SATL1: variants seen among roughly 807,000 people sequenced by gnomAD.
SATL1 encodes the protein spermidine/spermine N1-acetyl transferase like 1.
A neutral mutation model predicts 51.8 loss-of-function variants in SATL1; 47 were observed. The ratio of observed to expected loss-of-function variants is 0.91; its 90% CI spans 0.72 to 1.16. SATL1 has a LOEUF of 1.16. Among genes scored for constraint, SATL1 ranks in the 50% most tolerant of loss-of-function variants. SATL1 has a pLI of 0.00. For missense variants in SATL1, 520 were observed against 526.4 expected (o/e 0.99, Z 0.12); for synonymous variants, 176 against 182.4 (o/e 0.97, Z 0.28).
intron 2 of SATL1, chrX:85,142,872 T>C (rs1416500736): frequency 8.9e-6 from 1 of 112,023 alleles, no homozygotes; most frequent in Non-Finnish European, 1.9e-5. Flanking sequence ...TCTCTTTATT[T>C]TCTCCTCCTG....
chrX:85,159,954 G>A (rs1015532865), intron 2 of SATL1, among the ~76,000 whole-genome samples: 10 of 111,371 alleles, frequency 9.0e-5, no homozygotes, highest in Admixed American at 2.9e-4. Flanking sequence ...CCAGCAGGTC[G>A]GGAGCACATA....
In SATL1 at chrX:85,105,054, C is replaced by A. The variant is rs147464206; in HGVS notation, c.1642-1139G>T. The stretch of plus-strand genomic sequence containing the variant: ...CAGTTTTATAATATCTGGTATAGAT[C>A]ATCTCCCCTCATTACTCTTCTTTTT... On this transcript the variant is annotated intron_variant, in intron 3 of 7. Coordinates refer to ENST00000644105, the MANE Select transcript of SATL1 (RefSeq NM_001367857.2). Among the ~76,000 whole-genome samples the A allele has an allele frequency of 2.3e-3, 255 of 111,409 alleles. 2 individuals carry two copies. Among genetic ancestry groups the A allele is most frequent in the African/African-American group, 7.4e-3 (229 of 30,775 alleles).
At chrX:85,135,424 C>T (rs1925926983) in intron 2 of SATL1, among the ~76,000 whole-genome samples, 1 of 111,393 alleles carries the variant, frequency 9.0e-6, no homozygotes, top group Non-Finnish European at 1.9e-5. Flanking sequence ...TACTGCCTTA[C>T]AATTTTGTTG....
At chrX:85,124,998 A>AGG (rs980838489) in intron 2 of SATL1, among the ~76,000 whole-genome samples, 3 of 109,893 alleles carry the variant, frequency 2.7e-5, no homozygotes, top group African/African-American at 1.0e-4. Context: ...CAGAGGTGAA[A>AGG]GGAACCAAAG....
intron 2 of SATL1, among the ~76,000 whole-genome samples, chrX:85,171,717 T>A (rs1926976616): frequency 9.0e-6 from 1 of 111,544 alleles, no homozygotes; most frequent in South Asian, 3.7e-4. Flanking sequence ...TAGCAACAAA[T>A]CATTCACTAT....
At chrX:85,182,078 TATC>T (rs1434431746) in intron 2 of SATL1, among the ~76,000 whole-genome samples, 4 of 111,623 alleles carry the variant, frequency 3.6e-5, no homozygotes, top group Non-Finnish European at 7.5e-5. Flanking sequence ...ATCAAACATT[TATC>T]ATTTCTTTGT....
chrX:85,110,212 G>C (rs775559037), intron 2 of SATL1, among the ~76,000 whole-genome samples: 51 of 111,224 alleles, frequency 4.6e-4, no homozygotes, highest in African/African-American at 1.6e-3. Flanking sequence ...TTCAGACCCA[G>C]ATCTATCTTT....
chrX:85,182,137 TTGTTG>T (rs751088528), intron 2 of SATL1, among the ~76,000 whole-genome samples: 1 of 111,480 alleles, frequency 9.0e-6, no homozygotes, highest in Admixed American at 9.5e-5. Context: ...AAACTATATA[TTGTTG>T]TTAACTATAG....
At chrX:85,105,582 G>A (rs1399547947) in intron 3 of SATL1, among the ~76,000 whole-genome samples, 2 of 111,567 alleles carry the variant, frequency 1.8e-5, no homozygotes, top group Non-Finnish European at 3.8e-5. Flanking sequence ...GAAATGACTA[G>A]GCTCCCAAAT....
intron 1 of SATL1, among the ~76,000 whole-genome samples, chrX:85,242,194 A>G (rs1470272625): frequency 1.8e-5 from 2 of 112,514 alleles, no homozygotes; most frequent in Non-Finnish European, 3.8e-5. Flanking sequence ...ATTGATGTAA[A>G]AACCCCACAT....
rs369611909 is a variant in SATL1, at chrX:85,196,177, T to C, written c.-313+28028A>G. Among the ~76,000 whole-genome samples, 7 of 110,990 alleles carry C rather than the reference T, an allele frequency of 6.3e-5. No homozygotes were observed. The East Asian group carries it at 2.0e-3, about 31-fold the overall frequency. On this transcript the variant is annotated intron_variant, in intron 2 of 7. Coordinates refer to ENST00000644105, the MANE Select transcript of SATL1 (RefSeq NM_001367857.2). ...AGAATCCTGAAATGAAATTTAAAAATAGATTCATTTACAATGGTATCAAAA... is the reference window on the plus strand; with the variant it reads ...AGAATCCTGAAATGAAATTTAAAAACAGATTCATTTACAATGGTATCAAAA...
chrX:85,164,982 C>T (rs1436854720), intron 2 of SATL1, among the ~76,000 whole-genome samples: 1 of 110,877 alleles, frequency 9.0e-6, no homozygotes, highest in Non-Finnish European at 1.9e-5. Flanking sequence ...CCTCGGCCTC[C>T]CAAAGTGTTG....
intron 2 of SATL1, among the ~76,000 whole-genome samples, chrX:85,191,440 T>A (rs181678071): frequency 9.0e-6 from 1 of 111,074 alleles, no homozygotes; most frequent in African/African-American, 3.3e-5. Flanking sequence ...ATGAGAACAT[T>A]CAAAATCCTC....
In SATL1 at chrX:85,109,126, G is replaced by A. The variant is rs890582487; in HGVS notation, c.-158C>T. On this transcript the variant is annotated 5_prime_UTR_variant, in exon 3 of 8. Transcript: ENST00000644105. ...TTCCCAGTTCTTCTCAATTTGATTC[G>A]CCCACTTTGAGATACCCCTCTATCA... 16 of 503,774 alleles carry A rather than the reference G, an allele frequency of 3.2e-5. No individual in the cohort carries two copies. Among genetic ancestry groups the A allele is most frequent in the East Asian group, 2.9e-4 (8 of 27,303 alleles). The allele number at this position is 503,774 out of a possible 1,213,427, so 41.5% of individuals were successfully genotyped here.
intron 3 of SATL1, among the ~76,000 whole-genome samples, chrX:85,105,604 G>A (rs2147688834): frequency 9.0e-6 from 1 of 111,525 alleles, no homozygotes; most frequent in African/African-American, 3.2e-5. Context: ...ATGCTGTGAT[G>A]TGCTGATTGA....
At chrX:85,127,427 G>A (rs1299656328) in intron 2 of SATL1, among the ~76,000 whole-genome samples, 1 of 111,510 alleles carries the variant, frequency 9.0e-6, no homozygotes, top group East Asian at 2.8e-4. Flanking sequence ...TGTTAGTTTA[G>A]ATTTAGTTTT....
chrX:85,098,702 C>T (rs1373107959), intron 4 of SATL1, among the ~76,000 whole-genome samples: 1 of 111,360 alleles, frequency 9.0e-6, no homozygotes, highest in Non-Finnish European at 1.9e-5. Context: ...GCACCGTACA[C>T]AACCAATGGG....
At chrX:85,225,941 G>C (rs1031552270) in intron 1 of SATL1, among the ~76,000 whole-genome samples, 1 of 109,639 alleles carries the variant, frequency 9.1e-6, no homozygotes, top group Admixed American at 9.7e-5. Flanking sequence ...TTCCTTGCAG[G>C]ACCCTCATCT....
At chrX:85,131,040 A>G (rs746009115) in intron 2 of SATL1, among the ~76,000 whole-genome samples, 22 of 111,523 alleles carry the variant, frequency 2.0e-4, no homozygotes, top group African/African-American at 6.2e-4. Context: ...TTTCTTTTAC[A>G]TTTGCTGAGG....
Sources: gnomAD v4.1 joint callset for allele counts (sites outside exome capture counted in the v4.1 genomes callset) on GRCh38, gnomAD v4.1.1 for gene constraint, MANE v1.5 for transcripts, NCBI Gene and HGNC (gene_info 2026-07-23, HGNC 2026-07-21) for gene names.